The following GYS2 variants were observed in gnomAD, a reference collection of about 807,000 sequenced individuals.
The protein encoded by GYS2 is glycogen [starch] synthase, liver.
GYS2 carries 80 observed loss-of-function variants against 85.6 expected under a neutral mutation model. The ratio of observed to expected loss-of-function variants is 0.93; its 90% CI spans 0.78 to 1.13. The LOEUF (loss-of-function observed/expected upper bound fraction) is 1.13. GYS2 is among the 50% of genes most tolerant of loss of function. The pLI is 0.00. For synonymous variants in GYS2, 328 were observed against 300.7 expected (o/e 1.09, Z -0.94); for missense variants, 881 against 854.9 (o/e 1.03, Z -0.38).
chr12:21,574,642 CA>C (rs2136904161), intron 3 of GYS2, among the ~76,000 whole-genome samples: 1 of 151,854 alleles, frequency 6.6e-6, no homozygotes, highest in African/African-American at 2.4e-5. Flanking sequence ...AGTAGGCACT[CA>C]AAAAATATTT....
At chr12:21,585,315 C>T (rs1944560115) in intron 1 of GYS2, among the ~76,000 whole-genome samples, 1 of 152,174 alleles carries the variant, frequency 6.6e-6, no homozygotes, top group South Asian at 2.1e-4. Flanking sequence ...CTTTGGGCTC[C>T]TCCCACCTTT....
At chr12:21,563,901 G>A (rs1206367785) in intron 5 of GYS2, among the ~76,000 whole-genome samples, 1 of 152,126 alleles carries the variant, frequency 6.6e-6, no homozygotes, top group African/African-American at 2.4e-5. Context: ...ACAAGTGTAT[G>A]GGACACCTTT....
At chr12:21,543,263 A>G (rs1421924501) in intron 12 of GYS2, among the ~76,000 whole-genome samples, 1 of 152,178 alleles carries the variant, frequency 6.6e-6, no homozygotes, top group East Asian at 1.9e-4. Flanking sequence ...GTTGGATGAA[A>G]AAAAGATCTT....
At position 21,575,862 on chromosome 12, in the gene GYS2, A is replaced by G. The variant is rs577718142; in HGVS notation, c.495+4T>C. The G allele has an allele frequency of 3.1e-6, 5 of 1,606,306 alleles. No individual in the cohort carries two copies. The East Asian group carries it at 8.9e-5, about 29-fold the overall frequency. ...CCGTTGTATCACTATATAATAAACC[A>G]TACCTCTTTTAAGAACCAGGCAGTT... is the stretch of plus-strand genomic sequence containing the variant. On this transcript the variant is annotated splice_donor_region_variant and intron_variant, in intron 3 of 15. Transcript: ENST00000261195.
intron 15 of GYS2, among the ~76,000 whole-genome samples, chr12:21,538,526 G>A (rs935843894): frequency 1.3e-5 from 2 of 152,148 alleles, no homozygotes; most frequent in African/African-American, 4.8e-5. Flanking sequence ...TGAGATAGAG[G>A]CTCCTGTGGG....
At chr12:21,576,820 A>G (rs551085758) in intron 2 of GYS2, among the ~76,000 whole-genome samples, 5 of 152,144 alleles carry the variant, frequency 3.3e-5, no homozygotes, top group African/African-American at 1.2e-4. Context: ...ATAGTAATTT[A>G]CTTGTTCTTT....
intron 4 of GYS2, among the ~76,000 whole-genome samples, chr12:21,569,666 T>C (rs1374877357): frequency 6.6e-6 from 1 of 152,226 alleles, no homozygotes; most frequent in African/African-American, 2.4e-5. Flanking sequence ...TTTCACTTAG[T>C]TACTGAATGT....
At chr12:21,565,315 A>T (rs1286427946) in intron 5 of GYS2, among the ~76,000 whole-genome samples, 2 of 148,512 alleles carry the variant, frequency 1.3e-5, no homozygotes, top group Non-Finnish European at 3.0e-5. Context: ...ATCATGACTG[A>T]TTTCAAGCTA....
At chr12:21,575,486 G>A (rs1258014122) in intron 3 of GYS2, among the ~76,000 whole-genome samples, 1 of 152,066 alleles carries the variant, frequency 6.6e-6, no homozygotes, top group Non-Finnish European at 1.5e-5. Context: ...CACATGTAGT[G>A]TACATCAGGA....
intron 2 of GYS2, among the ~76,000 whole-genome samples, chr12:21,577,144 TC>T (rs1944455648): frequency 6.6e-6 from 1 of 152,162 alleles, no homozygotes; most frequent in Non-Finnish European, 1.5e-5. Context: ...TTCAGTTGTT[TC>T]CATTATAATT....
At chr12:21,553,930 A>G (rs1471423) in intron 11 of GYS2, among the ~76,000 whole-genome samples, 110,253 of 152,038 alleles carry the variant, frequency 0.73, 40,537 homozygotes, top group South Asian at 0.8. Context: ...GTGTACATGT[A>G]TATGTATGTA....
Position 21,562,927 on chromosome 12 carries a change from G to A in GYS2, c.1053C>T (p.Phe351=). 1 of 1,611,786 alleles carries A rather than the reference G, an allele frequency of 6.2e-7. No homozygotes were observed. Among genetic ancestry groups the A allele is most frequent in the South Asian group, 1.1e-5 (1 of 91,040 alleles). The change falls in exon 7 of 16, where the codon TTC becomes TTT. Residue 351 remains phenylalanine, a synonymous_variant. Coordinates refer to ENST00000261195, the MANE Select transcript of GYS2 (RefSeq NM_021957.4). ...CCTAGAGCTTTCTTACCCTCAGCAG[G>A]AAATTTAGCCTGGATAAGGATTCTA... ...IFLESLSRLN[F]LLRMHKSDIT...
rs8192697 is a variant in GYS2 at position 21,563,055 on chromosome 12, C to T, written c.942-17G>A. 356,530 of 1,582,930 alleles carry T rather than the reference C, an allele frequency of 0.23. 41,825 individuals carry two copies. Among genetic ancestry groups the T allele is most frequent in the East Asian group, 0.28 (12,322 of 44,606 alleles). Reference sequence around the variant, plus strand: ...TCGAGATGACTAAAACAAAACAAAACCAAACAGTTTCAAATGAAATACAGC... The same window carrying T: ...TCGAGATGACTAAAACAAAACAAAATCAAACAGTTTCAAATGAAATACAGC... On this transcript the variant is annotated splice_polypyrimidine_tract_variant and intron_variant, in intron 6 of 15. Coordinates refer to ENST00000261195, the MANE Select transcript of GYS2 (RefSeq NM_021957.4).
At chr12:21,575,754 C>T (rs1344895754) in intron 3 of GYS2, 112 bp downstream of exon 3, 2 of 834,320 alleles carry the variant, frequency 2.4e-6, no homozygotes, top group Non-Finnish European at 4.2e-6. Context: ...TTAGGACAAG[C>T]CATAATGGCA....
In GYS2 at chr12:21,559,650, C is replaced by T. The variant is rs764539267; in HGVS notation, c.1229+1G>A. ...AAGTAGAAAGCATTTCAAGCACCTACCTTAATAATGCATCATAGAGTTTTT... is the reference window on the plus strand; with the variant it reads ...AAGTAGAAAGCATTTCAAGCACCTATCTTAATAATGCATCATAGAGTTTTT... On this transcript the variant is annotated splice_donor_variant, in intron 9 of 15. Coordinates refer to ENST00000261195, the MANE Select transcript of GYS2 (RefSeq NM_021957.4). LOFTEE classifies it high-confidence loss of function. The T allele has an allele frequency of 1.2e-5, 18 of 1,519,086 alleles. No homozygotes were observed. The highest frequency in any genetic ancestry group is 1.7e-5 in the Admixed American group (1 of 59,842). 94.1% of individuals were successfully genotyped at this position (1,519,086 alleles called of 1,614,324 possible).
At chr12:21,589,740 T>A (rs987787610) in intron 1 of GYS2, among the ~76,000 whole-genome samples, 1 of 152,160 alleles carries the variant, frequency 6.6e-6, no homozygotes, top group Non-Finnish European at 1.5e-5. Context: ...CCCTTGACCA[T>A]GCAGGCCTTG....
At chr12:21,562,678 G>C (rs1255482231) in intron 7 of GYS2, among the ~76,000 whole-genome samples, 4 of 126,024 alleles carry the variant, frequency 3.2e-5, no homozygotes, top group African/African-American at 6.1e-5. Context: ...GACATATAAT[G>C]GGATAAGCTT....
intron 11 of GYS2, among the ~76,000 whole-genome samples, chr12:21,548,742 A>G (rs1414496625): frequency 6.6e-5 from 10 of 152,148 alleles, no homozygotes; most frequent in Non-Finnish European, 1.0e-4. Flanking sequence ...GTCTATTAAA[A>G]ATGTATATAT....
intron 10 of GYS2, 85 bp downstream of exon 10, chr12:21,559,006 A>G (rs1591789511): frequency 1.2e-6 from 1 of 803,790 alleles, no homozygotes; most frequent in Non-Finnish European, 2.1e-6. Context: ...AAATGTTCCA[A>G]ATTAGCACAT....
Sources: gnomAD v4.1 joint callset for allele counts (sites outside exome capture counted in the v4.1 genomes callset) on GRCh38, gnomAD v4.1.1 for gene constraint, MANE v1.5 for transcripts, NCBI Gene and HGNC (gene_info 2026-07-23, HGNC 2026-07-21) for gene names.